Variants in LAMB3 observed in about 807,000 individuals in gnomAD.
LAMB3 encodes laminin subunit beta 3.
A neutral mutation model predicts 140.3 loss-of-function variants in LAMB3; 104 were observed. The ratio of observed to expected loss-of-function variants is 0.74; its 90% confidence interval spans 0.63 to 0.87. The LOEUF (loss-of-function observed/expected upper bound fraction) is 0.87, where lower values mean the gene tolerates loss of function less well. Among genes scored for constraint, LAMB3 ranks in the 40% least tolerant of loss-of-function variants. The pLI is 0.00. For missense variants in LAMB3, 1,531 were observed against 1,575.2 expected (o/e 0.97, Z 0.47); for synonymous variants, 592 against 602.9 (o/e 0.98, Z 0.26).
At chr1:209,625,617 T>C in intron 14 of LAMB3, 31 bp downstream of exon 14, 1 of 1,613,880 alleles carries the variant, frequency 6.2e-7, no homozygotes, top group Non-Finnish European at 8.5e-7. Context: ...AGCATAATTC[T>C]TGCAAATGCT....
Position 209,638,606 on chromosome 1 carries a change from T to C in LAMB3, c.226A>G (p.Asn76Asp). The C allele has an allele frequency of 1.2e-6, 2 of 1,614,054 alleles. No individual in the cohort carries two copies. The highest frequency in any genetic ancestry group is 1.7e-6 in the Non-Finnish European group (2 of 1,179,938). The change falls in exon 4 of 23, where the codon AAC becomes GAC. Residue 76 changes from asparagine (N) to aspartate (D), a missense_variant. Asn to Asp is a conservative substitution (Grantham distance 23). Coordinates refer to ENST00000356082, the MANE Select transcript of LAMB3 (RefSeq NM_000228.3). ...CCKCDSRQPH[N>D]YYSHRVENVA... is the part of the protein sequence containing the mutation. ...TTCTCTACTCGGTGACTGTAGTAGT[T>C]GTGAGGCTGCCTGGAGTCACACTTG...
intron 3 of LAMB3, among the ~76,000 whole-genome samples, chr1:209,640,374 C>G (rs1367108763): frequency 1.3e-5 from 2 of 151,770 alleles, no homozygotes; most frequent in African/African-American, 4.8e-5. Context: ...ATGGTGAAAC[C>G]CTGTCTCTAC....
intron 18 of LAMB3, among the ~76,000 whole-genome samples, chr1:209,620,717 T>C (rs1350097874): frequency 6.6e-6 from 1 of 152,256 alleles, no homozygotes; most frequent in East Asian, 1.9e-4. Context: ...ACTTAGTTCA[T>C]GTAGTCAGGA....
At chr1:209,642,472 T>TG (rs2076477399) in intron 3 of LAMB3, among the ~76,000 whole-genome samples, 3 of 151,792 alleles carry the variant, frequency 2.0e-5, no homozygotes. Context: ...AGCTTTTTTG[T>TG]TTGTTTGTTT....
At position 209,623,019 on chromosome 1, in the gene LAMB3, C is replaced by G. The variant is rs142191279; in HGVS notation, c.2519G>C (p.Arg840Pro). The G allele has an allele frequency of 3.7e-6, 6 of 1,613,698 alleles. No homozygotes were observed. Among genetic ancestry groups the G allele is most frequent in the South Asian group, 3.3e-5 (3 of 91,084 alleles). ...LMAGQVAEQL[R>P]GFNAQLQRTR... ...CCGCTGGAGCTGGGCATTGAAGCCC[C>G]GCAGCTGCTCAGCCACCTGCCCCGC... Residue 840 changes from arginine (R) to proline (P), a missense_variant, in exon 17 of 23, where the codon CGG (arginine) becomes CCG (proline). Physicochemically the swap from Arg to Pro is moderately radical, Grantham distance 103. Transcript: ENST00000356082. This position sits in a 1 kb window ranked among gnomAD's most constrained non-coding sequence, Gnocchi z 4.2.
intron 1 of LAMB3, among the ~76,000 whole-genome samples, chr1:209,651,701 G>A (rs778712460): frequency 2.6e-4 from 39 of 152,300 alleles, no homozygotes; most frequent in Non-Finnish European, 4.4e-4. Context: ...GGAGGCTGGG[G>A]AAGGATGCTC....
At position 209,623,332 on chromosome 1, in the gene LAMB3, G is replaced by T; in HGVS notation, c.2359-153C>A. 3.9e-6 allele frequency: 4 copies of T among 1,020,538 alleles called. No homozygotes were observed. The highest frequency in any genetic ancestry group is 6.0e-6 in the Non-Finnish European group (4 of 661,244). 63.2% of individuals were successfully genotyped at this position (1,020,538 alleles called of 1,614,324 possible). ...CCATGAGAGCTAAGGACCAGAAACT[G>T]GTTTCCTTGGCAACCACTGAGCTCA... is the stretch of plus-strand genomic sequence containing the variant. On this transcript the variant is annotated intron_variant, in intron 16 of 22. Transcript: ENST00000356082. The surrounding 1 kb of genome is among the most constrained non-coding windows in gnomAD (Gnocchi z 4.2).
intron 19 of LAMB3, 133 bp downstream of exon 19, chr1:209,618,319 G>GT (rs1018335426): frequency 3.1e-6 from 3 of 973,294 alleles, no homozygotes; most frequent in Non-Finnish European, 1.6e-6. Context: ...TGGACTCTGT[G>GT]TACCACTCTC....
intron 1 of LAMB3, chr1:209,651,446 G>A: frequency 5.5e-6 from 1 of 181,140 alleles, no homozygotes; most frequent in Non-Finnish European, 1.2e-5. Context: ...GAGTCAGAGT[G>A]GCTGACGGCC....
chr1:209,634,453 C>G lies in LAMB3; in HGVS notation c.558G>C (p.Gly186=). 1 of 1,614,056 alleles carries G rather than the reference C, an allele frequency of 6.2e-7. No homozygotes were observed. The highest frequency in any genetic ancestry group is 8.5e-7 in the Non-Finnish European group (1 of 1,179,980). Residue 186 remains glycine (G), a synonymous_variant, in exon 6 of 23, where the codon GGG becomes GGC. Coordinates refer to ENST00000356082, the MANE Select transcript of LAMB3 (RefSeq NM_000228.3). ...CAGGATTCCCTCTACCTACCTTCCC[C>G]CCATTTAGGCGTGCATTAGGCCTCT... ...LPQRPNARLN[G]GKVQLNLMDL...
Position 209,627,581 on chromosome 1 carries a change from T to C in LAMB3, c.1289-2A>G, listed in dbSNP as rs1666514563. ...ACCCCAGGATGTTGCAGTCACAGCC[T>C]GCAGGAGGAGAGCTGCTGAGCTCAG... On this transcript the variant is annotated splice_acceptor_variant, in intron 11 of 22. Coordinates refer to ENST00000356082, the MANE Select transcript of LAMB3 (RefSeq NM_000228.3). LOFTEE classifies it high-confidence loss of function. 6.2e-7 allele frequency: 1 copy of C among 1,613,756 alleles called. No homozygotes were observed. Among genetic ancestry groups the C allele is most frequent in the African/African-American group, 1.3e-5 (1 of 74,910 alleles).
rs193107190 is a variant in LAMB3 at position 209,623,387 on chromosome 1, G to A, written c.2358+118C>T. The stretch of plus-strand genomic sequence containing the variant: ...GAGCAGTACAAGGGTCGGGATGGCT[G>A]GGGGAGTGGGGTTCTCACAGGGGCA... On this transcript the variant is annotated intron_variant, in intron 16 of 22. Transcript: ENST00000356082. This position sits in a 1 kb window ranked among gnomAD's most constrained non-coding sequence, Gnocchi z 4.2. 5 of 1,120,504 alleles carry A rather than the reference G, an allele frequency of 4.5e-6. No individual in the cohort carries two copies. The highest frequency in any genetic ancestry group is 1.3e-5 in the South Asian group (1 of 78,186). 69.4% of individuals were successfully genotyped at this position (1,120,504 alleles called of 1,614,324 possible). A position where few individuals can be genotyped will look rare whatever the true frequency, so the allele number is the denominator to read the frequency against.
rs574572195 is a variant in LAMB3 at position 209,627,705 on chromosome 1, A to T, written c.1289-126T>A. 4 of 911,236 alleles carry T rather than the reference A, an allele frequency of 4.4e-6. No homozygotes were observed. In the South Asian group the frequency reaches 5.8e-5, roughly 13 times the overall value. The allele number at this position is 911,236 out of a possible 1,614,324, so 56.4% of individuals were successfully genotyped here. ...GGCAGGGCCCTTCCCTGCAGATGAC[A>T]TGGCTGACTCACAGGACCCCTGCGC... On this transcript the variant is annotated intron_variant, in intron 11 of 22. Transcript: ENST00000356082.
intron 3 of LAMB3, among the ~76,000 whole-genome samples, chr1:209,644,610 T>G (rs1473429297): frequency 6.6e-6 from 1 of 152,138 alleles, no homozygotes; most frequent in East Asian, 1.9e-4. Context: ...TTTTTTTTTT[T>G]TCTTTCCTCC....
At chr1:209,640,279 G>A (rs556116797) in intron 3 of LAMB3, among the ~76,000 whole-genome samples, 1 of 152,370 alleles carries the variant, frequency 6.6e-6, no homozygotes, top group South Asian at 2.1e-4. Context: ...GTGGGGTGTG[G>A]TGGCTCACGC....
chr1:209,625,766 G>A lies in LAMB3; in HGVS notation c.1858C>T (p.Leu620=). ...WSGPGLEDRG[L]ASRILDAKSK... ...TTTGCATCTAGGATCCGGGAGGCCA[G>A]GCCACGGTCCTCCAGCCCAGGCCCT... The change falls in exon 14 of 23, where the codon CTG becomes TTG. Residue 620 remains leucine, a synonymous_variant. Coordinates refer to ENST00000356082, the MANE Select transcript of LAMB3 (RefSeq NM_000228.3). 1 of 1,614,174 alleles carries A rather than the reference G, an allele frequency of 6.2e-7. No homozygotes were observed.
In LAMB3 at chr1:209,627,556, A is replaced by T. The variant is rs2229468; in HGVS notation, c.1312T>A (p.Ser438Thr). 11,318 of 1,613,696 alleles carry T rather than the reference A, an allele frequency of 7.0e-3. 721 individuals carry two copies. In the African/African-American group the frequency reaches 0.13, roughly 19 times the overall value. The change falls in exon 12 of 23, where the codon TCC becomes ACC. Residue 438 changes from serine (S) to threonine (T), a missense_variant. Ser to Thr is a moderately conservative substitution (Grantham distance 58). Coordinates refer to ENST00000356082, the MANE Select transcript of LAMB3 (RefSeq NM_000228.3). ...CHRCDCNILG[S>T]RRDMPCDEES... ...TCGTCACACGGCATGTCCCTCCGGGACCCCAGGATGTTGCAGTCACAGCCT... is the reference window on the plus strand; with the variant it reads ...TCGTCACACGGCATGTCCCTCCGGGTCCCCAGGATGTTGCAGTCACAGCCT...
At position 209,626,921 on chromosome 1, in the gene LAMB3, C is replaced by G. The variant is rs1259090228; in HGVS notation, c.1543G>C (p.Ala515Pro). 1 of 1,613,718 alleles carries G rather than the reference C, an allele frequency of 6.2e-7. No individual in the cohort carries two copies. Among genetic ancestry groups the G allele is most frequent in the Non-Finnish European group, 8.5e-7 (1 of 1,179,964 alleles). The change falls in exon 13 of 23, where the codon GCC becomes CCC. Residue 515 changes from alanine (A) to proline (P), a missense_variant. By Grantham distance (27) the Ala-to-Pro change is conservative (BLOSUM62 -1). Coordinates refer to ENST00000356082, the MANE Select transcript of LAMB3 (RefSeq NM_000228.3). ...GFGGLMCSAA[A>P]IRQCPDRTYG... The stretch of plus-strand genomic sequence containing the variant: ...GTCCGGTCTGGACACTGGCGGATGG[C>G]TGCAGCGCTGCACATCAGGCCACCA...
intron 21 of LAMB3, 92 bp from the exon 22 acceptor site, chr1:209,616,716 C>T: frequency 3.9e-6 from 5 of 1,296,300 alleles, no homozygotes; most frequent in Non-Finnish European, 4.4e-6. Context: ...CAAATCAATA[C>T]ACAGTGGGAA....
Sources: gnomAD v4.1 joint callset for allele counts (sites outside exome capture counted in the v4.1 genomes callset) on GRCh38, gnomAD v4.1.1 for gene constraint, Gnocchi (gnomAD v3.1) non-coding constraint, MANE v1.5 for transcripts, NCBI Gene and HGNC (gene_info 2026-07-23, HGNC 2026-07-21) for gene names.